Variants in CELSR1 observed in about 807,000 individuals in gnomAD.
CELSR1 encodes adhesion G protein-coupled receptor C1.
CELSR1 carries 110 observed loss-of-function variants against 249.1 expected under a neutral mutation model. That is an observed-to-expected ratio of 0.44 (90% CI 0.38 to 0.52). CELSR1 has a LOEUF of 0.52. Ranked by LOEUF, CELSR1 falls within the 20% of genes least tolerant of loss-of-function variation. The pLI is 0.00. For missense variants in CELSR1, 4,109 were observed against 4,296.4 expected (o/e 0.96, Z 1.22); for synonymous variants, 2,113 against 1,900.0 (o/e 1.11, Z -2.92).
chr22:46,413,138 GAATTT>G lies in CELSR1; in HGVS notation c.4612-1384_4612-1380del, dbSNP rs1398404596. ...GGAAATAGATCGTTGTAAAAACGTA[GAATTT>G]AATTAAATCATCCTCAGTGCCTTTT... On this transcript the variant is annotated intron_variant, in intron 5 of 34. Coordinates refer to ENST00000674500, the MANE Select transcript of CELSR1 (RefSeq NM_001378328.1). The surrounding 1 kb of genome is among the most constrained non-coding windows in gnomAD (Gnocchi z 4.7). Among the ~76,000 whole-genome samples, 7 of 152,224 alleles carry G rather than the reference GAATTT, an allele frequency of 4.6e-5. No individual in the cohort carries two copies. The highest frequency in any genetic ancestry group is 1.7e-4 in the African/African-American group (7 of 41,454).
intron 12 of CELSR1, among the ~76,000 whole-genome samples, chr22:46,397,277 CTTTTTTTTTT>C (rs528088887): frequency 7.6e-5 from 6 of 78,746 alleles, no homozygotes; most frequent in South Asian, 4.1e-4. Context: ...CTAATTTTTG[CTTTTTTTTTT>C]TTTTTTTTTT....
chr22:46,525,066 A>C (rs1261578484), intron 1 of CELSR1, among the ~76,000 whole-genome samples: 2 of 152,216 alleles, frequency 1.3e-5, no homozygotes, highest in South Asian at 2.1e-4. Context: ...CACTACTGCA[A>C]GACTGGCCTC....
rs111321351 is a variant in CELSR1 at position 46,445,486 on chromosome 22, C to G, written c.4184-6075G>C. ...CTCCAGCCTGGGTGACAGAGCAAGA[C>G]TGTCTCTAAAAAAATGAATAAAAAA... On this transcript the variant is annotated intron_variant, in intron 2 of 34. Transcript: ENST00000674500. This position sits in a 1 kb window ranked among gnomAD's most constrained non-coding sequence, Gnocchi z 4.4. 6.2e-3 allele frequency among the ~76,000 whole-genome samples: 945 copies of G among 152,234 alleles called. 7 individuals carry two copies. Among genetic ancestry groups the G allele is most frequent in the African/African-American group, 0.022 (893 of 41,530 alleles).
rs2080517435 is a variant in CELSR1, at chr22:46,506,610, G to C, written c.3544+27017C>G. 6.6e-6 allele frequency among the ~76,000 whole-genome samples: 1 copy of C among 152,174 alleles called. No individual in the cohort carries two copies. ...ACCCATTTCCAAGACCACTTCCTTAGGGTGATGTTTCTAGGACTTTCAACA... is the reference window on the plus strand; with the variant it reads ...ACCCATTTCCAAGACCACTTCCTTACGGTGATGTTTCTAGGACTTTCAACA... On this transcript the variant is annotated intron_variant, in intron 1 of 34. Transcript: ENST00000674500. This position sits in a 1 kb window ranked among gnomAD's most constrained non-coding sequence, Gnocchi z 4.1.
chr22:46,466,703 G>A (rs1377947037), intron 1 of CELSR1, among the ~76,000 whole-genome samples: 12 of 152,154 alleles, frequency 7.9e-5, no homozygotes, highest in Admixed American at 6.5e-4. Context: ...TAGACCAACC[G>A]TTCATCAACT....
rs1268010539 is a variant in CELSR1 at position 46,362,125 on chromosome 22, C to A, written c.*1098G>T. 1 of 152,288 alleles carries A rather than the reference C, an allele frequency of 6.6e-6. No homozygotes were observed. The highest frequency in any genetic ancestry group is 1.5e-5 in the Non-Finnish European group (1 of 68,072). The allele number at this position is 152,288 out of a possible 1,614,324, so 9.4% of individuals were successfully genotyped here. On this transcript the variant is annotated 3_prime_UTR_variant, in exon 35 of 35. Coordinates refer to ENST00000674500, the MANE Select transcript of CELSR1 (RefSeq NM_001378328.1). ...ATGTAACGGCCTGGAAGGCCCCACACCTCTGTCCAAATCAGGAACCTGCAA... is the reference window on the plus strand; with the variant it reads ...ATGTAACGGCCTGGAAGGCCCCACAACTCTGTCCAAATCAGGAACCTGCAA...
chr22:46,375,437 C>G (rs2147199529), intron 24 of CELSR1, among the ~76,000 whole-genome samples: 1 of 152,278 alleles, frequency 6.6e-6, no homozygotes, highest in East Asian at 1.9e-4. Flanking sequence ...CTCCCCGTGC[C>G]CAGTGCCCTG....
intron 23 of CELSR1, chr22:46,377,572 C>T (rs1487832354): frequency 1.2e-5 from 5 of 400,904 alleles, no homozygotes; most frequent in African/African-American, 4.0e-5. Flanking sequence ...CGGACTCTCA[C>T]TCCAGCCTCC....
At position 46,454,891 on chromosome 22, in the gene CELSR1, G is replaced by T. The variant is rs866825920; in HGVS notation, c.4183+8816C>A. 6.6e-6 allele frequency among the ~76,000 whole-genome samples: 1 copy of T among 152,202 alleles called. No individual in the cohort carries two copies. Among genetic ancestry groups the T allele is most frequent in the Non-Finnish European group, 1.5e-5 (1 of 68,042 alleles). On this transcript the variant is annotated intron_variant, in intron 2 of 34. Coordinates refer to ENST00000674500, the MANE Select transcript of CELSR1 (RefSeq NM_001378328.1). The surrounding 1 kb of genome is among the most constrained non-coding windows in gnomAD (Gnocchi z 5.1). The stretch of plus-strand genomic sequence containing the variant: ...TCCCCAGAAAGATACGCTCAGTTAC[G>T]AACTCCCAGTACCCTTGAAAGTGAC...
At position 46,496,222 on chromosome 22, in the gene CELSR1, A is replaced by G. The variant is rs115514129; in HGVS notation, c.3545-31877T>C. Among the ~76,000 whole-genome samples the G allele has an allele frequency of 8.8e-3, 1,282 of 145,608 alleles. 26 individuals are homozygous for G. Among genetic ancestry groups the G allele is most frequent in the African/African-American group, 0.031 (1,236 of 39,348 alleles). On this transcript the variant is annotated intron_variant, in intron 1 of 34. Transcript: ENST00000674500. ...TCTCAAAAAAAAAAAAAAAAAATTG[A>G]CTCTTTTGTAACAACACTTAGCTTA...
At chr22:46,519,218 T>C (rs529463390) in intron 1 of CELSR1, among the ~76,000 whole-genome samples, 3 of 151,942 alleles carry the variant, frequency 2.0e-5, no homozygotes, top group Non-Finnish European at 4.4e-5. Context: ...AGGGTGGGGG[T>C]GTTGCACACC....
At chr22:46,459,756 T>C (rs771186963) in intron 2 of CELSR1, among the ~76,000 whole-genome samples, 5 of 152,210 alleles carry the variant, frequency 3.3e-5, no homozygotes, top group Non-Finnish European at 5.9e-5. Flanking sequence ...TCACCCCTAG[T>C]GGAGAACCAC....
intron 1 of CELSR1, among the ~76,000 whole-genome samples, chr22:46,513,911 GC>G (rs11412661): frequency 1.3e-4 from 19 of 150,910 alleles, no homozygotes; most frequent in African/African-American, 3.2e-4. Context: ...TCCTGCCTCA[GC>G]CCCCCCCGAG....
Position 46,427,472 on chromosome 22 carries a change from G to T in CELSR1, c.4611+5921C>A, listed in dbSNP as rs1008078258. 6.6e-6 allele frequency among the ~76,000 whole-genome samples: 1 copy of T among 152,204 alleles called. No individual in the cohort carries two copies. The highest frequency in any genetic ancestry group is 1.5e-5 in the Non-Finnish European group (1 of 68,036). On this transcript the variant is annotated intron_variant, in intron 5 of 34. Transcript: ENST00000674500. This position sits in a 1 kb window ranked among gnomAD's most constrained non-coding sequence, Gnocchi z 4.2. Reference sequence around the variant, plus strand: ...GAATTGCTTGAACCTGGGAGGCAGAGGTTGCAGTGAGCCAAGACAGCAACA... The same window carrying T: ...GAATTGCTTGAACCTGGGAGGCAGATGTTGCAGTGAGCCAAGACAGCAACA...
rs184957069 is a variant in CELSR1, at chr22:46,438,790, G to A, written c.4406+399C>T. Among the ~76,000 whole-genome samples the A allele has an allele frequency of 2.3e-3, 354 of 152,196 alleles. 2 individuals are homozygous for A. Among genetic ancestry groups the A allele is most frequent in the Admixed American group, 3.1e-3 (48 of 15,302 alleles). On this transcript the variant is annotated intron_variant, in intron 3 of 34. Coordinates refer to ENST00000674500, the MANE Select transcript of CELSR1 (RefSeq NM_001378328.1). ...GTGGTTTTTTTTGAGATGGAGTCTC[G>A]CTCTGTTGCCCAGGTCGGAGTGCAG...
chr22:46,367,116 G>T lies in CELSR1; in HGVS notation c.8082C>A (p.Gly2694=), dbSNP rs761540388. Residue 2694 remains glycine (G), a splice_region_variant and synonymous_variant, in exon 29 of 35, where the codon GGC becomes GGA. Coordinates refer to ENST00000674500, the MANE Select transcript of CELSR1 (RefSeq NM_001378328.1). The part of the protein sequence containing the change: ...YLFAIFSGLQ[G]PFVLLFHCVL... ...CGCAGTGGAAAAGGAGGACGAAGGG[G>T]CCCTGGAGGGAGGAAGGTGGGGTCA... 1 of 1,610,506 alleles carries T rather than the reference G, an allele frequency of 6.2e-7. No individual in the cohort carries two copies. The highest frequency in any genetic ancestry group is 2.0e-4 in the Middle Eastern group (1 of 5,070).
Position 46,390,626 on chromosome 22 carries a change from C to T in CELSR1, c.6251-140G>A, listed in dbSNP as rs566968622. On this transcript the variant is annotated intron_variant, in intron 16 of 34. Coordinates refer to ENST00000674500, the MANE Select transcript of CELSR1 (RefSeq NM_001378328.1). This position sits in a 1 kb window ranked among gnomAD's most constrained non-coding sequence, Gnocchi z 6.3. ...AACCCCATGGGGGCCAGGAGGTCGA[C>T]ACCAGCGCCCCTCTTTCATGTCAGG... The T allele has an allele frequency of 9.4e-6, 6 of 639,330 alleles. No individual in the cohort carries two copies. The highest frequency in any genetic ancestry group is 9.3e-5 in the African/African-American group (5 of 53,962). The allele number at this position is 639,330 out of a possible 1,614,324, so 39.6% of individuals were successfully genotyped here. A position where few individuals can be genotyped will look rare whatever the true frequency, so the allele number is the denominator to read the frequency against.
rs2147316046 is a variant in CELSR1, at chr22:46,407,527, G to A, written c.5226+1469C>T. Among the ~76,000 whole-genome samples the A allele has an allele frequency of 1.3e-5, 2 of 152,244 alleles. No individual in the cohort carries two copies. The highest frequency in any genetic ancestry group is 6.8e-3 in the Middle Eastern group (2 of 294). ...AGCTCCTGTAATCCCAACTACAATGGAGGCTGAGGCAGGAGAATCGCTTGA... is the reference window on the plus strand; with the variant it reads ...AGCTCCTGTAATCCCAACTACAATGAAGGCTGAGGCAGGAGAATCGCTTGA... On this transcript the variant is annotated intron_variant, in intron 9 of 34. Transcript: ENST00000674500. The surrounding 1 kb of genome is among the most constrained non-coding windows in gnomAD (Gnocchi z 4.8).
chr22:46,432,450 G>A (rs1018218429), intron 5 of CELSR1, among the ~76,000 whole-genome samples: 4 of 152,208 alleles, frequency 2.6e-5, no homozygotes, highest in African/African-American at 9.7e-5. Context: ...CGGGAAGCGG[G>A]GCACAGCGGG....
Sources: gnomAD v4.1 joint callset for allele counts (sites outside exome capture counted in the v4.1 genomes callset) on GRCh38, gnomAD v4.1.1 for gene constraint, Gnocchi (gnomAD v3.1) non-coding constraint, MANE v1.5 for transcripts, NCBI Gene and HGNC (gene_info 2026-07-23, HGNC 2026-07-21) for gene names.